MPRIP: variants seen among roughly 807,000 people sequenced by gnomAD.
MPRIP encodes myosin phosphatase Rho-interacting protein.
A neutral mutation model predicts 234.9 loss-of-function variants in MPRIP; 59 were observed. That is an observed-to-expected ratio of 0.25 (90% CI 0.20 to 0.31). The LOEUF (loss-of-function observed/expected upper bound fraction) is 0.31, where lower values mean the gene tolerates loss of function less well. Among genes scored for constraint, MPRIP ranks in the 10% least tolerant of loss-of-function variants. MPRIP has a pLI of 1.00. For missense variants in MPRIP, 2,436 were observed against 3,071.0 expected (o/e 0.79, Z 4.89); for synonymous variants, 1,144 against 1,263.9 (o/e 0.91, Z 2.01).
At chr17:17,082,682 A>T (rs926036102) in intron 3 of MPRIP, among the ~76,000 whole-genome samples, 1 of 152,188 alleles carries the variant, frequency 6.6e-6, no homozygotes, top group East Asian at 1.9e-4. Context: ...CATTAAGTAC[A>T]TTCACATTGT....
chr17:17,071,688 T>G (rs73979060), intron 1 of MPRIP, among the ~76,000 whole-genome samples: 18,708 of 152,102 alleles, frequency 0.12, 1,606 homozygotes, highest in East Asian at 0.29. Flanking sequence ...GTGTGGGTCA[T>G]GAGTGAAGGC....
At position 17,137,935 on chromosome 17, in the gene MPRIP, C is replaced by G. The variant is rs759342117; in HGVS notation, c.756C>G (p.Ser252Arg). ...TTCCAGAGGAGAGCGCCATGAGTAGCGACCGCATGGACTGTGGCCGCAAAG... is the reference window on the plus strand; with the variant it reads ...TTCCAGAGGAGAGCGCCATGAGTAGGGACCGCATGGACTGTGGCCGCAAAG... ...ESKEEESAMSSDRMDCGRKVR... is the reference protein window; with the variant it reads ...ESKEEESAMSRDRMDCGRKVR... Residue 252 changes from serine (S) to arginine (R), a missense_variant, in exon 7 of 24, where the codon AGC (serine) becomes AGG (arginine). This residue lies in a region of MPRIP where 267 missense variants were observed against 252.7 expected (regional missense o/e 1.06). Coordinates refer to ENST00000651222, the MANE Select transcript of MPRIP (RefSeq NM_001364716.4). The G allele has an allele frequency of 5.0e-6, 8 of 1,608,080 alleles. No individual in the cohort carries two copies. Among genetic ancestry groups the G allele is most frequent in the Non-Finnish European group, 6.8e-6 (8 of 1,177,204 alleles).
Position 17,166,802 on chromosome 17 carries a change from T to C in MPRIP, c.5211T>C (p.His1737=). Residue 1737 remains histidine, a synonymous_variant, in exon 16 of 24, where the codon CAT becomes CAC. Coordinates refer to ENST00000651222, the MANE Select transcript of MPRIP (RefSeq NM_001364716.4). The surrounding 1 kb of genome is among the most constrained non-coding windows in gnomAD (Gnocchi z 4.4). ...AAGCCCTCAGGCTTCCAGCGGGCCA[T>C]GAAGATGGTGTTCAGCTGTCCTGGG... ...VLEALRLPAG[H]EDGVQLSWDL... 2 of 1,304,204 alleles carry C rather than the reference T, an allele frequency of 1.5e-6. No individual in the cohort carries two copies. The highest frequency in any genetic ancestry group is 2.0e-6 in the Non-Finnish European group (2 of 988,938). 80.8% of individuals were successfully genotyped at this position (1,304,204 alleles called of 1,614,324 possible).
At chr17:17,141,336 C>T (rs956906606) in intron 7 of MPRIP, among the ~76,000 whole-genome samples, 7 of 152,238 alleles carry the variant, frequency 4.6e-5, no homozygotes, top group African/African-American at 1.7e-4. Flanking sequence ...CCAGCAGCTT[C>T]CTTAGCTTCC....
chr17:17,153,558 A>G (rs1183640562), intron 12 of MPRIP, among the ~76,000 whole-genome samples: 1 of 151,428 alleles, frequency 6.6e-6, no homozygotes, highest in Non-Finnish European at 1.5e-5. Context: ...TTCCTCGCCC[A>G]AAACAGGCTC....
At position 17,176,523 on chromosome 17, in the gene MPRIP, C is replaced by G; in HGVS notation, c.6957+11C>G. Reference sequence around the variant, plus strand: ...CAGACGGCACTGCGGGTAAGGCCACCGCACCACAGGAGGGCGGGTACGGGA... The same window carrying G: ...CAGACGGCACTGCGGGTAAGGCCACGGCACCACAGGAGGGCGGGTACGGGA... On this transcript the variant is annotated intron_variant, in intron 21 of 23. Transcript: ENST00000651222. 1.9e-6 allele frequency: 3 copies of G among 1,609,444 alleles called. No homozygotes were observed. The highest frequency in any genetic ancestry group is 2.6e-6 in the Non-Finnish European group (3 of 1,176,064).
At position 17,166,912 on chromosome 17, in the gene MPRIP, C is replaced by T; in HGVS notation, c.5321C>T (p.Ala1774Val). 7.7e-7 allele frequency: 1 copy of T among 1,304,144 alleles called. No homozygotes were observed. Among genetic ancestry groups the T allele is most frequent in the Non-Finnish European group, 1.0e-6 (1 of 988,956 alleles). 80.8% of individuals were successfully genotyped at this position (1,304,144 alleles called of 1,614,324 possible). Residue 1774 changes from alanine (A) to valine (V), a missense_variant, in exon 16 of 24, where the codon GCC becomes GTC. Physicochemically the swap from Ala to Val is moderately conservative, Grantham distance 64. Transcript: ENST00000651222. This position sits in a 1 kb window ranked among gnomAD's most constrained non-coding sequence, Gnocchi z 4.4. Reference sequence around the variant, plus strand: ...GATGTGTCTGACCAGAGCCCTGGGGCCTTTGTTGCTATTCAGGAGGAGCTT... The same window carrying T: ...GATGTGTCTGACCAGAGCCCTGGGGTCTTTGTTGCTATTCAGGAGGAGCTT... Reference protein sequence around the residue: ...PFDVSDQSPGAFVAIQEELAQ... With the variant: ...PFDVSDQSPGVFVAIQEELAQ...
Position 17,167,053 on chromosome 17 carries a change from G to C in MPRIP, c.5462G>C (p.Ser1821Thr). 1 of 1,304,326 alleles carries C rather than the reference G, an allele frequency of 7.7e-7. No individual in the cohort carries two copies. The highest frequency in any genetic ancestry group is 1.0e-6 in the Non-Finnish European group (1 of 988,956). 80.8% of individuals were successfully genotyped at this position (1,304,326 alleles called of 1,614,324 possible). Residue 1821 changes from serine (S) to threonine (T), a missense_variant, in exon 16 of 24, where the codon AGT (serine) becomes ACT (threonine). This residue lies in a region of MPRIP where 1,998 missense variants were observed against 2,520.3 expected (regional missense o/e 0.79). Coordinates refer to ENST00000651222, the MANE Select transcript of MPRIP (RefSeq NM_001364716.4). This position sits in a 1 kb window ranked among gnomAD's most constrained non-coding sequence, Gnocchi z 5.9. ...CAGAAGCTTCTCCAGGTGTCCCAGA[G>C]TCTCTCGTATAACACTTGTTTGGGA... ...DCQKLLQVSQ[S>T]LSYNTCLGGL... is the part of the protein sequence containing the mutation.
chr17:17,083,683 G>A (rs1396147355), intron 3 of MPRIP, among the ~76,000 whole-genome samples: 1 of 152,186 alleles, frequency 6.6e-6, no homozygotes, highest in African/African-American at 2.4e-5. Flanking sequence ...TCTGCAGGGC[G>A]AGGCTGGGAA....
chr17:17,065,271 T>C (rs1002023161), intron 1 of MPRIP, among the ~76,000 whole-genome samples: 2 of 152,218 alleles, frequency 1.3e-5, no homozygotes, highest in Admixed American at 6.5e-5. Flanking sequence ...CTTAGGACTT[T>C]GTGCAGAGCA....
At chr17:17,127,004 G>A in intron 4 of MPRIP, 151 bp downstream of exon 4, 1 of 1,036,426 alleles carries the variant, frequency 9.6e-7, no homozygotes, top group South Asian at 1.6e-5. Flanking sequence ...ACACCGCTGT[G>A]TGCTGAGCAC....
At chr17:17,124,123 A>C (rs567404583) in intron 3 of MPRIP, among the ~76,000 whole-genome samples, 5 of 152,144 alleles carry the variant, frequency 3.3e-5, no homozygotes, top group Admixed American at 1.3e-4. Flanking sequence ...AGAGGTGGAG[A>C]GGTGGAAGGC....
chr17:17,100,005 C>T (rs1367299914), intron 3 of MPRIP, among the ~76,000 whole-genome samples: 1 of 152,224 alleles, frequency 6.6e-6, no homozygotes, highest in Non-Finnish European at 1.5e-5. Context: ...CAAGGGGACA[C>T]TTATCCTTGT....
intron 11 of MPRIP, among the ~76,000 whole-genome samples, chr17:17,147,594 G>A (rs2045501890): frequency 6.6e-6 from 1 of 152,208 alleles, no homozygotes; most frequent in African/African-American, 2.4e-5. Flanking sequence ...CACAAGACCA[G>A]CCTTTGTCCT....
intron 6 of MPRIP, among the ~76,000 whole-genome samples, 162 bp downstream of exon 6, chr17:17,136,612 C>T (rs1194743938): frequency 6.6e-6 from 1 of 152,244 alleles, no homozygotes; most frequent in Non-Finnish European, 1.5e-5. Context: ...CTGGTATGTT[C>T]TGAGATTCCC....
chr17:17,121,180 C>G (rs2090381240), intron 3 of MPRIP, among the ~76,000 whole-genome samples: 2 of 152,166 alleles, frequency 1.3e-5, no homozygotes, highest in African/African-American at 4.8e-5. Context: ...CAGTTTGGTC[C>G]TTGTGTAAAT....
rs946939519 is a variant in MPRIP, at chr17:17,191,429, C to G, written c.*6535C>G. The G allele has an allele frequency of 1.3e-5, 2 of 152,174 alleles. No individual in the cohort carries two copies. Among genetic ancestry groups the G allele is most frequent in the Non-Finnish European group, 2.9e-5 (2 of 68,032 alleles). 9.4% of individuals were successfully genotyped at this position (152,174 alleles called of 1,614,324 possible). ...GCCCTTTGGTCATATCCTGGAATTCCGTGGAGGCTGCAGAACTTAGATGCA... is the reference window on the plus strand; with the variant it reads ...GCCCTTTGGTCATATCCTGGAATTCGGTGGAGGCTGCAGAACTTAGATGCA... On this transcript the variant is annotated 3_prime_UTR_variant, in exon 24 of 24. Coordinates refer to ENST00000651222, the MANE Select transcript of MPRIP (RefSeq NM_001364716.4).
intron 1 of MPRIP, among the ~76,000 whole-genome samples, chr17:17,057,107 G>A (rs1243553796): frequency 6.6e-6 from 1 of 152,232 alleles, no homozygotes; most frequent in Admixed American, 6.5e-5. Context: ...TGGCCATTCT[G>A]TCAGTGAGCT....
chr17:17,157,381 C>T (rs1238415643), intron 13 of MPRIP, among the ~76,000 whole-genome samples: 2 of 152,244 alleles, frequency 1.3e-5, no homozygotes, highest in Non-Finnish European at 2.9e-5. Flanking sequence ...TGGCAGGTAA[C>T]CCAGTGTCCT....
Sources: allele counts gnomAD v4.1 joint callset (sites outside exome capture counted in the v4.1 genomes callset), GRCh38; gene constraint gnomAD v4.1.1; regional missense constraint gnomAD v4.1.1; non-coding constraint Gnocchi (gnomAD v3.1); transcripts MANE v1.5; gene names NCBI Gene and HGNC (gene_info 2026-07-23, HGNC 2026-07-21).